PI4K2B: variants seen among roughly 807,000 people sequenced by gnomAD.
The protein encoded by PI4K2B is phosphatidylinositol 4-kinase type 2-beta.
PI4K2B carries 46 observed loss-of-function variants against 56.6 expected under a neutral mutation model. That is an observed-to-expected ratio of 0.81 (90% CI 0.64 to 1.04). PI4K2B has a LOEUF of 1.04. Ranked by LOEUF, PI4K2B falls within the 50% of genes least tolerant of loss-of-function variation. The pLI is 0.00. For synonymous variants in PI4K2B, 211 were observed against 223.8 expected, an observed-to-expected ratio of 0.94 and a Z score of 0.51; for missense variants, 556 against 607.7, an observed-to-expected ratio of 0.91 and a Z score of 0.89.
Position 25,248,939 on chromosome 4 carries a change from T to C in PI4K2B, c.269-3382T>C, listed in dbSNP as rs1454917904. ...ACATGTGAACAAAGGTCTCTGGTTTTATAGGCAGAGGGCCCTGCCGCCTTC... is the reference window on the plus strand; with the variant it reads ...ACATGTGAACAAAGGTCTCTGGTTTCATAGGCAGAGGGCCCTGCCGCCTTC... On this transcript the variant is annotated intron_variant, in intron 1 of 9. Coordinates refer to ENST00000264864, the MANE Select transcript of PI4K2B (RefSeq NM_018323.4). Among the ~76,000 whole-genome samples the C allele has an allele frequency of 3.3e-5, 5 of 152,164 alleles. No individual in the cohort carries two copies. The East Asian group carries it at 9.6e-4, about 29-fold the overall frequency.
At chr4:25,255,587 G>GTAT (rs1716234633) in intron 3 of PI4K2B, among the ~76,000 whole-genome samples, 1 of 152,200 alleles carries the variant, frequency 6.6e-6, no homozygotes, top group Non-Finnish European at 1.5e-5. Context: ...TTAAAGACTT[G>GTAT]TATTGTCCTT....
chr4:25,254,919 A>C, intron 2 of PI4K2B, 146 bp from the exon 3 acceptor site: 1 of 613,714 alleles, frequency 1.6e-6, no homozygotes, highest in Non-Finnish European at 2.9e-6. Context: ...TTAATAGTTG[A>C]GGTTTATAAA....
At chr4:25,235,564 A>G (rs1419677662) in intron 1 of PI4K2B, among the ~76,000 whole-genome samples, 1 of 152,246 alleles carries the variant, frequency 6.6e-6, no homozygotes, top group Non-Finnish European at 1.5e-5. Flanking sequence ...AGCTTTAACC[A>G]ACGTCTGCTC....
intron 1 of PI4K2B, among the ~76,000 whole-genome samples, chr4:25,237,996 A>T (rs1209800335): frequency 1.3e-5 from 2 of 152,252 alleles, no homozygotes; most frequent in Non-Finnish European, 2.9e-5. Flanking sequence ...GTTAGAAAAC[A>T]GTGTTAGAAT....
At position 25,247,711 on chromosome 4, in the gene PI4K2B, C is replaced by CT. The variant is rs111513370; in HGVS notation, c.269-4599dup. Among the ~76,000 whole-genome samples, 358 of 146,928 alleles carry CT rather than the reference C, an allele frequency of 2.4e-3. 2 individuals are homozygous for CT. Among genetic ancestry groups the CT allele is most frequent in the East Asian group, 8.7e-3 (44 of 5,058 alleles). On this transcript the variant is annotated intron_variant, in intron 1 of 9. Transcript: ENST00000264864. The stretch of plus-strand genomic sequence containing the variant: ...CCAAATTTGTGAACACCTCAAGTTT[C>CT]TTTTTTTTTTTGAGACAGGGTCTTA...
chr4:25,243,655 C>A (rs1221891779), intron 1 of PI4K2B, among the ~76,000 whole-genome samples: 1 of 152,184 alleles, frequency 6.6e-6, no homozygotes, highest in Non-Finnish European at 1.5e-5. Flanking sequence ...CTTTTAGAAT[C>A]AATTGACCCT....
At chr4:25,269,414 A>G (rs941646923) in intron 9 of PI4K2B, among the ~76,000 whole-genome samples, 1 of 152,102 alleles carries the variant, frequency 6.6e-6, no homozygotes, top group African/African-American at 2.4e-5. Context: ...AGGCGGGTGA[A>G]TCACCTGAGG....
chr4:25,243,896 G>C (rs1053944526), intron 1 of PI4K2B, among the ~76,000 whole-genome samples: 3 of 152,160 alleles, frequency 2.0e-5, no homozygotes, highest in Non-Finnish European at 4.4e-5. Flanking sequence ...GGGATGGCTT[G>C]CTGACTGGTA....
intron 5 of PI4K2B, among the ~76,000 whole-genome samples, chr4:25,259,716 TA>T (rs149474864): frequency 8.0e-5 from 12 of 149,220 alleles, no homozygotes; most frequent in African/African-American, 9.8e-5. Context: ...AAAAAAAGTA[TA>T]AAAAAAAAAT....
chr4:25,260,584 AC>A lies in PI4K2B; in HGVS notation c.973del (p.His325IlefsTer16). 8.1e-7 allele frequency: 1 copy of A among 1,229,738 alleles called. No homozygotes were observed. The highest frequency in any genetic ancestry group is 1.1e-6 in the Non-Finnish European group (1 of 911,886). 76.2% of individuals were successfully genotyped at this position (1,229,738 alleles called of 1,614,324 possible). The stretch of plus-strand genomic sequence containing the variant: ...AAGCAGAAATGTGAAAAGGAAATTG[AC>A]CATAAGGTAAGGAAATTTACAATTT... ...YEKQKCEKEIDHKESKWIDDE... is the reference protein window; with the variant it reads ...YEKQKCEKEIXHKESKWIDDE... On this transcript the variant is annotated frameshift_variant, in exon 6 of 10. Transcript: ENST00000264864. LOFTEE classifies it high-confidence loss of function.
chr4:25,277,226 T>G lies in PI4K2B; in HGVS notation c.*39T>G, dbSNP rs1717139019. The stretch of plus-strand genomic sequence containing the variant: ...AAGAGAAACAAACTGTTTAGAATTA[T>G]CATGTTTTTAAAACATCATAGTAAT... On this transcript the variant is annotated 3_prime_UTR_variant, in exon 10 of 10. Transcript: ENST00000264864. 2.6e-6 allele frequency: 4 copies of G among 1,544,300 alleles called. No individual in the cohort carries two copies. Among genetic ancestry groups the G allele is most frequent in the Non-Finnish European group, 3.5e-6 (4 of 1,134,766 alleles).
intron 7 of PI4K2B, among the ~76,000 whole-genome samples, chr4:25,265,198 C>CAAAAA (rs71188933): frequency 0.063 from 3,945 of 62,778 alleles, 177 homozygotes; most frequent in South Asian, 0.096. Flanking sequence ...TCTGTCTCAC[C>CAAAAA]AAAAAAAAAA....
chr4:25,271,257 A>C (rs1293663005), intron 9 of PI4K2B, among the ~76,000 whole-genome samples: 1 of 152,252 alleles, frequency 6.6e-6, no homozygotes, highest in Non-Finnish European at 1.5e-5. Context: ...GGATTGGAGC[A>C]GTTAGAAATT....
intron 2 of PI4K2B, among the ~76,000 whole-genome samples, chr4:25,253,056 A>G (rs1716127247): frequency 6.6e-6 from 1 of 152,248 alleles, no homozygotes; most frequent in Non-Finnish European, 1.5e-5. Flanking sequence ...TTTTGAGTAT[A>G]TATATTCACA....
chr4:25,241,567 C>T (rs987595039), intron 1 of PI4K2B, among the ~76,000 whole-genome samples: 3 of 152,104 alleles, frequency 2.0e-5, no homozygotes, highest in Non-Finnish European at 4.4e-5. Flanking sequence ...TCTAAGTAGG[C>T]GGTTGTCTGA....
chr4:25,259,936 C>A (rs1203490228), intron 5 of PI4K2B, among the ~76,000 whole-genome samples: 1 of 152,150 alleles, frequency 6.6e-6, no homozygotes, highest in Non-Finnish European at 1.5e-5. Context: ...TACGCTGGAC[C>A]TTTTGGAACA....
At chr4:25,247,822 G>A (rs1297378635) in intron 1 of PI4K2B, among the ~76,000 whole-genome samples, 1 of 152,094 alleles carries the variant, frequency 6.6e-6, no homozygotes, top group African/African-American at 2.4e-5. Flanking sequence ...TCCCACCTTA[G>A]CCTCTTGAGT....
chr4:25,246,293 G>A (rs1715777550), intron 1 of PI4K2B, among the ~76,000 whole-genome samples: 1 of 152,082 alleles, frequency 6.6e-6, no homozygotes, highest in African/African-American at 2.4e-5. Flanking sequence ...CCTGCTGATT[G>A]GTCCATTTTA....
chr4:25,252,128 C>T (rs1180874301), intron 1 of PI4K2B, among the ~76,000 whole-genome samples, 193 bp from the exon 2 acceptor site: 15 of 152,006 alleles, frequency 9.9e-5, no homozygotes, highest in African/African-American at 7.3e-5. Flanking sequence ...TGCCCGCCCC[C>T]GCCCCCATGT....
Sources: allele counts gnomAD v4.1 joint callset (sites outside exome capture counted in the v4.1 genomes callset), GRCh38; gene constraint gnomAD v4.1.1; transcripts MANE v1.5; gene names NCBI Gene and HGNC (gene_info 2026-07-23, HGNC 2026-07-21).